The following TTC34 variants were observed in gnomAD, a reference collection of about 807,000 sequenced individuals.
TTC34 encodes the protein tetratricopeptide repeat domain 34.
Under a neutral mutation model 40.7 loss-of-function variants are expected in TTC34, and 44 were observed. That is an observed-to-expected ratio of 1.08 (90% CI 0.85 to 1.39). The LOEUF is 1.39. Among genes scored for constraint, TTC34 ranks in the 40% most tolerant of loss-of-function variants. The pLI, the probability that TTC34 is intolerant of heterozygous loss-of-function variation, is 0.00. For missense variants in TTC34, 884 were observed against 838.0 expected (o/e 1.05, Z -0.68); for synonymous variants, 422 against 398.6 (o/e 1.06, Z -0.70).
At chr1:2,794,486 T>C (rs761469610) in intron 2 of TTC34, among the ~76,000 whole-genome samples, 24 of 152,252 alleles carry the variant, frequency 1.6e-4, no homozygotes, top group Non-Finnish European at 3.2e-4. Context: ...TGCTACAATG[T>C]CTAATACCTT....
Position 2,695,139 on chromosome 1 carries a change from G to C in TTC34, c.2227-49576C>G, listed in dbSNP as rs575309353. On this transcript the variant is annotated intron_variant, in intron 6 of 8. Transcript: ENST00000401095. ...GCCAAGATGAGCATCTGACAGCGTG[G>C]AACAGCACCCTGCACCCCCAGGAGA... Among the ~76,000 whole-genome samples, 107 of 113,292 alleles carry C rather than the reference G, an allele frequency of 9.4e-4. 3 individuals carry two copies. Among genetic ancestry groups the C allele is most frequent in the African/African-American group, 3.1e-3 (99 of 31,672 alleles). The allele number at this position is 113,292 out of a possible 152,430, so 74.3% of individuals were successfully genotyped here.
intron 6 of TTC34, among the ~76,000 whole-genome samples, chr1:2,687,826 G>T (rs1420586085): frequency 1.2e-5 from 1 of 83,506 alleles, no homozygotes; most frequent in South Asian, 3.5e-4. Context: ...AGCATCTGAT[G>T]GTCTGGAGCA....
chr1:2,682,137 G>A (rs1462746197), intron 6 of TTC34, among the ~76,000 whole-genome samples: 19 of 127,626 alleles, frequency 1.5e-4, no homozygotes, highest in Middle Eastern at 5.0e-3. Context: ...GCCTGGAACA[G>A]CACCCTGCAC....
chr1:2,662,491 A>C (rs1263058946), intron 6 of TTC34, among the ~76,000 whole-genome samples: 73 of 93,480 alleles, frequency 7.8e-4, no homozygotes, highest in Non-Finnish European at 1.4e-3. Context: ...CCAGGTGAGC[A>C]TCTGACAGCA....
intron 6 of TTC34, among the ~76,000 whole-genome samples, chr1:2,684,758 C>G (rs1361653581): frequency 1.7e-4 from 23 of 132,448 alleles, no homozygotes; most frequent in Admixed American, 2.9e-4. Context: ...CACCAAAAAC[C>G]CCAGGTGAGC....
intron 6 of TTC34, among the ~76,000 whole-genome samples, chr1:2,688,569 A>C (rs1276178555): frequency 7.4e-6 from 1 of 134,804 alleles, no homozygotes. Flanking sequence ...CAGCACCCAC[A>C]CCTTCCGGCG....
At chr1:2,784,101 C>T (rs531138168) in intron 5 of TTC34, among the ~76,000 whole-genome samples, 3 of 152,134 alleles carry the variant, frequency 2.0e-5, no homozygotes, top group African/African-American at 7.2e-5. Context: ...TGGCCCCGAA[C>T]GGCTGAGCGC....
At chr1:2,641,231 G>A (rs1638894783) in exon 9 of TTC34, 1 of 969,736 alleles carries the variant, frequency 1.0e-6, no homozygotes, top group African/African-American at 1.7e-5. Context: ...TGTGTGGGGA[G>A]GGCTGGGAAG....
intron 6 of TTC34, among the ~76,000 whole-genome samples, chr1:2,674,162 AG>A (rs1639804940): frequency 1.2e-5 from 1 of 83,606 alleles, no homozygotes; most frequent in Non-Finnish European, 3.0e-5. Flanking sequence ...CCACACCCCC[AG>A]GGGAGCATCT....
chr1:2,648,301 G>T (rs895587386), intron 6 of TTC34, among the ~76,000 whole-genome samples: 1 of 152,150 alleles, frequency 6.6e-6, no homozygotes, highest in African/African-American at 2.4e-5. Context: ...ACTCTGGGGG[G>T]CAGGTAGATT....
intron 6 of TTC34, among the ~76,000 whole-genome samples, chr1:2,683,479 GC>G (rs1640173861): frequency 6.7e-6 from 1 of 149,424 alleles, no homozygotes; most frequent in Non-Finnish European, 1.5e-5. Context: ...ACACCACCAG[GC>G]GAGCATCTGA....
chr1:2,798,206 CT>C (rs1643730934), intron 2 of TTC34, among the ~76,000 whole-genome samples: 2 of 88,626 alleles, frequency 2.3e-5, no homozygotes, highest in Non-Finnish European at 5.4e-5. Flanking sequence ...AGCCCCTCAG[CT>C]CCCCAGCCCC....
rs1243703227 is a variant in TTC34, at chr1:2,760,423, C to A, written c.2226+23186G>T. 8.6e-4 allele frequency among the ~76,000 whole-genome samples: 46 copies of A among 53,578 alleles called. 15 individuals carry two copies. Among genetic ancestry groups the A allele is most frequent in the Non-Finnish European group, 1.5e-4 (5 of 34,212 alleles). 35.1% of individuals were successfully genotyped at this position (53,578 alleles called of 152,430 possible). A position where few individuals can be genotyped will look rare whatever the true frequency, so the allele number is the denominator to read the frequency against. On this transcript the variant is annotated intron_variant, in intron 6 of 8. Coordinates refer to ENST00000401095, the Ensembl canonical transcript of TTC34. ...CCCGCACCCACAGGCGAGCATCTGA[C>A]AGCCTGGAGCAGCATCCACACACCC...
At chr1:2,756,207 G>C (rs1641500735) in intron 6 of TTC34, among the ~76,000 whole-genome samples, 2 of 49,470 alleles carry the variant, frequency 4.0e-5, no homozygotes, top group Non-Finnish European at 3.2e-5. Context: ...GCACCTGACA[G>C]CCTGCAACAG....
At chr1:2,754,159 T>C (rs1422111867) in intron 6 of TTC34, among the ~76,000 whole-genome samples, 4 of 17,648 alleles carry the variant, frequency 2.3e-4, no homozygotes, top group Admixed American at 6.0e-4. Flanking sequence ...CATCTGATGG[T>C]CTGGAGCAGA....
At position 2,644,484 on chromosome 1, in the gene TTC34, AG is replaced by A; in HGVS notation, c.2498-7del. ...GCCAGCTTCCTCGTAGCTGCCTGTC[AG>A]GGATTCAGGAGGGACAGTCAGTGTG... On this transcript the variant is annotated splice_polypyrimidine_tract_variant and splice_region_variant and intron_variant, in intron 7 of 8. Transcript: ENST00000401095. 2 of 1,532,044 alleles carry A rather than the reference AG, an allele frequency of 1.3e-6. No homozygotes were observed. The highest frequency in any genetic ancestry group is 1.7e-6 in the Non-Finnish European group (2 of 1,143,894). The allele number at this position is 1,532,044 out of a possible 1,614,324, so 94.9% of individuals were successfully genotyped here.
intron 6 of TTC34, among the ~76,000 whole-genome samples, chr1:2,694,985 C>G (rs1414817184): frequency 6.6e-6 from 1 of 150,914 alleles, no homozygotes; most frequent in Admixed American, 6.6e-5. Flanking sequence ...TGGAGCAGCA[C>G]CCTGCACCCC....
In TTC34 at chr1:2,691,628, AG is replaced by A. The variant is rs1640622652; in HGVS notation, c.2227-46066del. ...GCCTGGAACAGCACCCTGCACCCCC[AG>A]GTGCGCACGTGACAGCCTGGAACAG... On this transcript the variant is annotated intron_variant, in intron 6 of 8. Coordinates refer to ENST00000401095, the Ensembl canonical transcript of TTC34. Among the ~76,000 whole-genome samples, 2 of 118,528 alleles carry A rather than the reference AG, an allele frequency of 1.7e-5. 1 individual carries two copies. Among genetic ancestry groups the A allele is most frequent in the Admixed American group, 1.7e-4 (2 of 11,448 alleles). The allele number at this position is 118,528 out of a possible 152,430, so 77.8% of individuals were successfully genotyped here.
intron 6 of TTC34, among the ~76,000 whole-genome samples, chr1:2,691,622 AC>A (rs1429928118): frequency 2.6e-5 from 3 of 114,348 alleles, no homozygotes; most frequent in Non-Finnish European, 5.8e-5. Context: ...AGCACCCTGC[AC>A]CCCCAGGTGC....
Sources: allele counts gnomAD v4.1 joint callset (sites outside exome capture counted in the v4.1 genomes callset), GRCh38; gene constraint gnomAD v4.1.1; transcripts MANE v1.5; gene names NCBI Gene and HGNC (gene_info 2026-07-23, HGNC 2026-07-21).